TFR2: variants seen among roughly 807,000 people sequenced by gnomAD.
The protein encoded by TFR2 is transferrin receptor protein 2.
In TFR2, 64 loss-of-function variants were observed where a neutral mutation model predicts 91.9. The observed-to-expected ratio is 0.70, with a 90% CI of 0.57 to 0.86. The LOEUF is 0.86. Among genes scored for constraint, TFR2 ranks in the 40% least tolerant of loss-of-function variants. The pLI, the probability that TFR2 is intolerant of heterozygous loss-of-function variation, is 0.00. For missense variants in TFR2, 950 were observed against 1,080.5 expected (o/e 0.88, Z 1.69); for synonymous variants, 454 against 459.6 (o/e 0.99, Z 0.15).
rs1803688893 is a variant in TFR2 at position 100,641,056 on chromosome 7, G to A, written c.206C>T (p.Pro69Leu). The A allele has an allele frequency of 2.5e-6, 4 of 1,603,918 alleles. No homozygotes were observed. Among genetic ancestry groups the A allele is most frequent in the African/African-American group, 1.3e-5 (1 of 74,694 alleles). The change falls in exon 2 of 18, where the codon CCA becomes CTA. Residue 69 changes from proline (P) to leucine (L), a missense_variant. By Grantham distance (98) the Pro-to-Leu change is moderately conservative (BLOSUM62 -3). Coordinates refer to ENST00000223051, the MANE Select transcript of TFR2 (RefSeq NM_003227.4). ...PEPLGSRPRQ[P>L]NLIPWAAAGR... Reference sequence around the variant, plus strand: ...TGCTGCCGCCCAGGGAATGAGGTTTGGCTGCCTGGGTCTAGAGCCCAGGGG... The same window carrying A: ...TGCTGCCGCCCAGGGAATGAGGTTTAGCTGCCTGGGTCTAGAGCCCAGGGG...
intron 17 of TFR2, among the ~76,000 whole-genome samples, chr7:100,622,317 G>A (rs1220953522): frequency 2.0e-5 from 3 of 152,136 alleles, no homozygotes; most frequent in Non-Finnish European, 4.4e-5. Flanking sequence ...TGACCCACTG[G>A]AATCCTGCCC....
chr7:100,621,340 G>A (rs1258466945), intron 17 of TFR2, among the ~76,000 whole-genome samples: 5 of 152,080 alleles, frequency 3.3e-5, no homozygotes, highest in Admixed American at 6.5e-5. Flanking sequence ...TGCAACCTCC[G>A]CCTTCAGCGT....
intron 16 of TFR2, 50 bp from the exon 17 acceptor site, chr7:100,626,953 C>T (rs1202429588): frequency 6.6e-7 from 1 of 1,516,132 alleles, no homozygotes. Flanking sequence ...CCAGGACCCC[C>T]GCCTAGCATG....
At position 100,633,047 on chromosome 7, in the gene TFR2, C is replaced by A; in HGVS notation, c.803G>T (p.Gly268Val). 1 of 1,613,744 alleles carries A rather than the reference C, an allele frequency of 6.2e-7. No homozygotes were observed. The highest frequency in any genetic ancestry group is 8.5e-7 in the Non-Finnish European group (1 of 1,179,996). Residue 268 changes from glycine (G) to valine (V), a missense_variant, in exon 6 of 18, where the codon GGC becomes GTC. Physicochemically the swap from Gly to Val is moderately radical, Grantham distance 109. Transcript: ENST00000223051. ...CCCCACGCGCACCAGCAGCAGGCGGCCCACTGGATCCACGCCCCTGGCCCG... is the reference window on the plus strand; with the variant it reads ...CCCCACGCGCACCAGCAGCAGGCGGACCACTGGATCCACGCCCCTGGCCCG... ...DLRARGVDPV[G>V]RLLLVRVGVI... is the part of the protein sequence containing the mutation.
At chr7:100,634,736 G>A (rs1803542006) in intron 3 of TFR2, among the ~76,000 whole-genome samples, 1 of 152,100 alleles carries the variant, frequency 6.6e-6, no homozygotes, top group South Asian at 2.1e-4. Flanking sequence ...CCTCCAAGAG[G>A]CCACCATCTT....
chr7:100,633,308 T>A lies in TFR2; in HGVS notation c.647A>T (p.Glu216Val). The change falls in exon 5 of 18, where the codon GAG becomes GTG. Residue 216 changes from glutamate (E) to valine (V), a missense_variant. Physicochemically the swap from Glu to Val is moderately radical, Grantham distance 121. Transcript: ENST00000223051. ...CAGCTGCTCTCCGACCTTCCCGGCC[T>A]CATCGACCCAGTGCAGGGTGTTGGG... is the stretch of plus-strand genomic sequence containing the variant. ...AHPNTLHWVD[E>V]AGKVGEQLPL... The A allele has an allele frequency of 6.2e-7, 1 of 1,613,608 alleles. No individual in the cohort carries two copies. The highest frequency in any genetic ancestry group is 8.5e-7 in the Non-Finnish European group (1 of 1,179,820).
At chr7:100,626,118 C>T (rs148830417) in intron 17 of TFR2, among the ~76,000 whole-genome samples, 2 of 152,296 alleles carry the variant, frequency 1.3e-5, no homozygotes, top group African/African-American at 4.8e-5. Flanking sequence ...AGTCCCTACT[C>T]ACCCATTTCT....
Position 100,632,175 on chromosome 7 carries a change from C to G in TFR2, c.873G>C (p.Gly291=), listed in dbSNP as rs1457191527. 6.2e-6 allele frequency: 10 copies of G among 1,614,072 alleles called. No homozygotes were observed. Among genetic ancestry groups the G allele is most frequent in the Non-Finnish European group, 8.5e-6 (10 of 1,180,002 alleles). Residue 291 remains glycine (G), a synonymous_variant, in exon 7 of 18, where the codon GGG becomes GGC. Transcript: ENST00000223051. The stretch of plus-strand genomic sequence containing the variant: ...CTGGGTATATGAGCACTCCTTGAGC[C>G]CCGAAGTCCTGAGCATTGGTCACCT... ...AQKVTNAQDF[G]AQGVLIYPEP...
chr7:100,627,005 C>T (rs1803280236), intron 16 of TFR2, 102 bp from the exon 17 acceptor site: 3 of 1,387,628 alleles, frequency 2.2e-6, no homozygotes, highest in Admixed American at 2.8e-5. Flanking sequence ...GGGGCTGGGA[C>T]CCCTGGCCGC....
chr7:100,623,949 G>C, intron 17 of TFR2, among the ~76,000 whole-genome samples: 1 of 150,846 alleles, frequency 6.6e-6, no homozygotes, highest in East Asian at 1.9e-4. Flanking sequence ...CCAGCTACTC[G>C]GGAGGCAGAA....
At position 100,631,024 on chromosome 7, in the gene TFR2, C is replaced by T. The variant is rs1327292509; in HGVS notation, c.1135G>A (p.Glu379Lys). Residue 379 changes from glutamate to lysine, a missense_variant, in exon 9 of 18, where the codon GAA becomes AAA. Coordinates refer to ENST00000223051, the MANE Select transcript of TFR2 (RefSeq NM_003227.4). ...GAGCCTAGGAGGCTCCCCTGCCATT[C>T]TTGGGGGGCCACAGGGCCTTTGAGC... Reference protein sequence around the residue: ...RKLKGPVAPQEWQGSLLGSPY... With the variant: ...RKLKGPVAPQKWQGSLLGSPY... 1.3e-6 allele frequency: 2 copies of T among 1,596,288 alleles called. No individual in the cohort carries two copies. Among genetic ancestry groups the T allele is most frequent in the Non-Finnish European group, 1.7e-6 (2 of 1,173,376 alleles).
intron 5 of TFR2, 51 bp downstream of exon 5, chr7:100,633,178 G>C: frequency 6.2e-7 from 1 of 1,613,006 alleles, no homozygotes; most frequent in Non-Finnish European, 8.5e-7. Flanking sequence ...TCGAGACCCA[G>C]GAAAGGGCTC....
chr7:100,628,868 G>T (rs1323978134), intron 10 of TFR2, among the ~76,000 whole-genome samples: 4 of 152,002 alleles, frequency 2.6e-5, no homozygotes, highest in African/African-American at 7.3e-5. Context: ...CCAGGTTCAA[G>T]CGATTCTCCT....
Position 100,633,017 on chromosome 7 carries a change from A to G in TFR2, c.833T>C (p.Ile278Thr), listed in dbSNP as rs1803492592. ...GACACTTACCTTCTGGGCGAAGCTG[A>G]TCACCCCCACGCGCACCAGCAGCAG... is the stretch of plus-strand genomic sequence containing the variant. ...GRLLLVRVGV[I>T]SFAQKVTNAQ... Residue 278 changes from isoleucine to threonine, a missense_variant, in exon 6 of 18, where the codon ATC (isoleucine) becomes ACC (threonine). Physicochemically the swap from Ile to Thr is moderately conservative, Grantham distance 89. Transcript: ENST00000223051. 6 of 1,613,514 alleles carry G rather than the reference A, an allele frequency of 3.7e-6. No homozygotes were observed. The highest frequency in any genetic ancestry group is 5.1e-6 in the Non-Finnish European group (6 of 1,179,948).
At chr7:100,634,144 ACT>A (rs1420146719) in intron 3 of TFR2, among the ~76,000 whole-genome samples, 1 of 144,368 alleles carries the variant, frequency 6.9e-6, no homozygotes, top group Non-Finnish European at 1.5e-5. Context: ...CTCAAGCCAA[ACT>A]CTCTCCCCCA....
rs777300339 is a variant in TFR2 at position 100,631,992 on chromosome 7, G to A, written c.967-47C>T. ...CGCAAAGCTGCGAGCTGGGCTTCCA[G>A]GAAAAACGAAAAACATGCCAGCCCT... On this transcript the variant is annotated intron_variant, in intron 7 of 17. Coordinates refer to ENST00000223051, the MANE Select transcript of TFR2 (RefSeq NM_003227.4). 5 of 1,614,066 alleles carry A rather than the reference G, an allele frequency of 3.1e-6. No homozygotes were observed. The East Asian group carries it at 1.1e-4, about 36-fold the overall frequency.
chr7:100,631,715 T>A (rs941955860), intron 8 of TFR2, 91 bp downstream of exon 8: 6 of 1,529,336 alleles, frequency 3.9e-6, no homozygotes, highest in Non-Finnish European at 5.3e-6. Context: ...AAGAGTCACC[T>A]TTTTCTAGTT....
chr7:100,621,357 G>A (rs1211110151), intron 17 of TFR2, among the ~76,000 whole-genome samples: 4 of 152,258 alleles, frequency 2.6e-5, no homozygotes, highest in South Asian at 4.1e-4. Flanking sequence ...GCGTTCAAGC[G>A]ATTCTCCTGC....
At chr7:100,634,282 C>G (rs1188367132) in intron 3 of TFR2, among the ~76,000 whole-genome samples, 2 of 152,104 alleles carry the variant, frequency 1.3e-5, no homozygotes, top group African/African-American at 4.8e-5. Context: ...CCTCATCTCC[C>G]CCATCCTCCA....
Sources: gnomAD v4.1 joint callset for allele counts (sites outside exome capture counted in the v4.1 genomes callset) on GRCh38, gnomAD v4.1.1 for gene constraint, MANE v1.5 for transcripts, NCBI Gene and HGNC (gene_info 2026-07-23, HGNC 2026-07-21) for gene names.